The following ASCC3 variants were observed in gnomAD, a reference collection of about 807,000 sequenced individuals.
ASCC3 encodes the protein activating signal cointegrator 1 complex subunit 3.
Under a neutral mutation model 256.3 loss-of-function variants are expected in ASCC3, and 158 were observed. That is an observed-to-expected ratio of 0.62 (90% CI 0.54 to 0.70). ASCC3 has a LOEUF of 0.70. ASCC3 is among the 30% of genes least tolerant of loss of function. ASCC3 has a pLI of 0.00. For missense variants in ASCC3, 2,259 were observed against 2,626.0 expected, an observed-to-expected ratio of 0.86 and a Z score of 3.05; for synonymous variants, 948 against 883.4, an observed-to-expected ratio of 1.07 and a Z score of -1.30.
chr6:100,599,083 G>C (rs1772459709), intron 34 of ASCC3, among the ~76,000 whole-genome samples: 3 of 152,080 alleles, frequency 2.0e-5, no homozygotes, highest in African/African-American at 7.2e-5. Flanking sequence ...AATGATGGTG[G>C]GAAGTCCATG....
In ASCC3 at chr6:100,766,625, G is replaced by A. The variant is rs137939045; in HGVS notation, c.1677C>T (p.Ile559=). 3 of 1,613,982 alleles carry A rather than the reference G, an allele frequency of 1.9e-6. No individual in the cohort carries two copies. Among genetic ancestry groups the A allele is most frequent in the Middle Eastern group, 1.7e-4 (1 of 6,056 alleles). ...YFSRRLEPLG[I]IVKELTGDMQ... ...TGTCACCAGTCAATTCTTTCACAAT[G>A]ATGCCTAGTGGCTCTAGACGTCTGC... is the stretch of plus-strand genomic sequence containing the variant. The change falls in exon 10 of 42, where the codon ATC becomes ATT. Residue 559 remains isoleucine (I), a synonymous_variant. Transcript: ENST00000369162.
chr6:100,674,776 G>A (rs1329844663), intron 14 of ASCC3, among the ~76,000 whole-genome samples: 1 of 151,978 alleles, frequency 6.6e-6, no homozygotes, highest in Non-Finnish European at 1.5e-5. Context: ...TGGGACTACA[G>A]GCGTATGCCA....
Position 100,608,171 on chromosome 6 carries a change from T to TA in ASCC3, c.4786-1084_4786-1083insT, listed in dbSNP as rs1368527813. ...CTATATATACATATTTATATACATA[T>TA]TTATATATGTGTGTGTATATATATA... On this transcript the variant is annotated intron_variant, in intron 30 of 41. Coordinates refer to ENST00000369162, the MANE Select transcript of ASCC3 (RefSeq NM_006828.4). Among the ~76,000 whole-genome samples, 29 of 120,050 alleles carry TA rather than the reference T, an allele frequency of 2.4e-4. 2 individuals carry two copies. Among genetic ancestry groups the TA allele is most frequent in the Non-Finnish European group, 3.3e-4 (20 of 60,486 alleles). The allele number at this position is 120,050 out of a possible 152,430, so 78.8% of individuals were successfully genotyped here. A position where few individuals can be genotyped will look rare whatever the true frequency, so the allele number is the denominator to read the frequency against.
chr6:100,829,386 A>T (rs62422074), intron 4 of ASCC3, among the ~76,000 whole-genome samples: 2 of 151,760 alleles, frequency 1.3e-5, no homozygotes, highest in African/African-American at 2.4e-5. Flanking sequence ...GTGGGAAGGC[A>T]GCTAAGACCT....
In ASCC3 at chr6:100,641,645, C is replaced by A. The variant is rs186674226; in HGVS notation, c.3901+936G>T. On this transcript the variant is annotated intron_variant, in intron 24 of 41. Coordinates refer to ENST00000369162, the MANE Select transcript of ASCC3 (RefSeq NM_006828.4). The stretch of plus-strand genomic sequence containing the variant: ...TCTAGAACTAGAAATACCATTTGAC[C>A]CAGCCATCCCATTACTGGGTATATA... 9.4e-4 allele frequency among the ~76,000 whole-genome samples: 143 copies of A among 152,204 alleles called. 1 individual carries two copies. Among genetic ancestry groups the A allele is most frequent in the African/African-American group, 3.3e-3 (137 of 41,526 alleles).
At chr6:100,803,462 C>G (rs1354555633) in intron 5 of ASCC3, among the ~76,000 whole-genome samples, 1 of 152,144 alleles carries the variant, frequency 6.6e-6, no homozygotes, top group Admixed American at 6.6e-5. Context: ...CCTTCACCTT[C>G]TGCCAAGTTG....
chr6:100,824,539 C>G (rs1283050297), intron 4 of ASCC3, among the ~76,000 whole-genome samples: 1 of 152,208 alleles, frequency 6.6e-6, no homozygotes, highest in African/African-American at 2.4e-5. Flanking sequence ...ATCAAGAACC[C>G]TTTCGAATTA....
rs974296116 is a variant in ASCC3, at chr6:100,508,370, C to G, written c.*1016G>C. 2.6e-5 allele frequency: 4 copies of G among 152,032 alleles called. No homozygotes were observed. Among genetic ancestry groups the G allele is most frequent in the Non-Finnish European group, 5.9e-5 (4 of 67,972 alleles). The allele number at this position is 152,032 out of a possible 1,614,324, so 9.4% of individuals were successfully genotyped here. ...TATTTCACAAAGGTAGAATTTCATT[C>G]CACTAGAATGCATATTATATGAACA... On this transcript the variant is annotated 3_prime_UTR_variant, in exon 42 of 42. Coordinates refer to ENST00000369162, the MANE Select transcript of ASCC3 (RefSeq NM_006828.4).
chr6:100,815,852 T>G (rs79673115), intron 4 of ASCC3, among the ~76,000 whole-genome samples: 5,702 of 152,100 alleles, frequency 0.037, 149 homozygotes, highest in Non-Finnish European at 0.058. Flanking sequence ...ATTCTGAACA[T>G]AAGAATGAGC....
At chr6:100,825,213 T>C (rs1173419605) in intron 4 of ASCC3, among the ~76,000 whole-genome samples, 1 of 152,134 alleles carries the variant, frequency 6.6e-6, no homozygotes, top group East Asian at 1.9e-4. Flanking sequence ...TAGGACAGTT[T>C]TGAATGAGTC....
chr6:100,605,768 T>C (rs963401568), intron 32 of ASCC3, 68 bp from the exon 33 acceptor site: 6 of 1,528,500 alleles, frequency 3.9e-6, no homozygotes, highest in South Asian at 1.1e-5. Flanking sequence ...TTACTGATTA[T>C]GGCATGCTTC....
chr6:100,660,002 G>A (rs774181626), intron 16 of ASCC3, among the ~76,000 whole-genome samples: 1 of 151,338 alleles, frequency 6.6e-6, no homozygotes, highest in East Asian at 1.9e-4. Context: ...AGTCTTCCTT[G>A]ACATGCATTT....
At chr6:100,679,963 T>C (rs1309044041) in intron 13 of ASCC3, among the ~76,000 whole-genome samples, 1 of 152,190 alleles carries the variant, frequency 6.6e-6, no homozygotes, top group Non-Finnish European at 1.5e-5. Flanking sequence ...TGATAGAAGT[T>C]TGTGGAGTCT....
In ASCC3 at chr6:100,605,704, T is replaced by C. The variant is rs1447529269; in HGVS notation, c.5045-4A>G. ...CGCCCCATCATCTGGAGGACATCTT[T>C]AAAAGAGAGAACAAAGAGATATTCT... On this transcript the variant is annotated splice_polypyrimidine_tract_variant and splice_region_variant and intron_variant, in intron 32 of 41. Transcript: ENST00000369162. The C allele has an allele frequency of 1.3e-5, 21 of 1,613,104 alleles. No homozygotes were observed. The highest frequency in any genetic ancestry group is 1.7e-5 in the Non-Finnish European group (20 of 1,179,438).
chr6:100,597,957 G>C (rs1284598919), intron 34 of ASCC3, among the ~76,000 whole-genome samples: 2 of 134,006 alleles, frequency 1.5e-5, no homozygotes, highest in Non-Finnish European at 3.1e-5. Context: ...CTGGGCGACA[G>C]AGCGAGACTC....
intron 8 of ASCC3, among the ~76,000 whole-genome samples, chr6:100,767,614 TG>T (rs933467908): frequency 2.5e-4 from 2 of 7,846 alleles, no homozygotes; most frequent in Non-Finnish European, 2.8e-3. Flanking sequence ...TTGGTTTTTT[TG>T]GTTTTTTTTT....
chr6:100,727,017 C>T (rs78952078), intron 10 of ASCC3, among the ~76,000 whole-genome samples: 1 of 152,000 alleles, frequency 6.6e-6, no homozygotes, highest in Non-Finnish European at 1.5e-5. Flanking sequence ...ATTAATTTGA[C>T]AGCAAAACCA....
chr6:100,841,713 A>T (rs902023608), intron 4 of ASCC3, among the ~76,000 whole-genome samples: 4 of 152,260 alleles, frequency 2.6e-5, no homozygotes, highest in Middle Eastern at 3.4e-3. Context: ...AGGAATGAAA[A>T]ACATAACCCA....
chr6:100,687,945 A>T (rs1257893503), intron 13 of ASCC3, among the ~76,000 whole-genome samples: 1 of 152,062 alleles, frequency 6.6e-6, no homozygotes, highest in East Asian at 1.9e-4. Context: ...AAGGTAAAAC[A>T]TAACCTCATA....
Sources: gnomAD v4.1 joint callset for allele counts (sites outside exome capture counted in the v4.1 genomes callset) on GRCh38, gnomAD v4.1.1 for gene constraint, MANE v1.5 for transcripts, NCBI Gene and HGNC (gene_info 2026-07-23, HGNC 2026-07-21) for gene names.